The following NAV3 variants were observed in gnomAD, a reference collection of about 807,000 sequenced individuals.
The protein encoded by NAV3 is pore membrane and/or filament interacting like protein 1.
A neutral mutation model predicts 244.7 loss-of-function variants in NAV3; 87 were observed. The ratio of observed to expected loss-of-function variants is 0.36; its 90% CI spans 0.30 to 0.42. The LOEUF (loss-of-function observed/expected upper bound fraction) is 0.42. NAV3 is among the 20% of genes least tolerant of loss of function. The probability of loss-of-function intolerance (pLI) is 1.00; values close to 1 mark genes in which losing one functional copy is unlikely to be tolerated. For missense variants in NAV3, 2,663 were observed against 2,893.3 expected (o/e 0.92, Z 1.83); for synonymous variants, 1,126 against 1,042.2 (o/e 1.08, Z -1.55).
At chr12:77,806,875 G>A (rs1055860162) in intron 2 of NAV3, among the ~76,000 whole-genome samples, 1 of 152,144 alleles carries the variant, frequency 6.6e-6, no homozygotes. Flanking sequence ...ATATATTTAG[G>A]ATAGTTAGCT....
At chr12:78,142,991 C>T (rs560752967) in intron 20 of NAV3, among the ~76,000 whole-genome samples, 13 of 151,974 alleles carry the variant, frequency 8.6e-5, no homozygotes, top group East Asian at 7.7e-4. Context: ...TTCCCCAGTC[C>T]GCCATGATCA....
At chr12:77,984,267 G>T (rs1223108084) in intron 5 of NAV3, among the ~76,000 whole-genome samples, 3 of 152,210 alleles carry the variant, frequency 2.0e-5, no homozygotes, top group African/African-American at 7.2e-5. Flanking sequence ...GAGAGACCAA[G>T]AGCCACAGTT....
chr12:78,179,851 G>A (rs1454490446), intron 29 of NAV3, among the ~76,000 whole-genome samples, 169 bp downstream of exon 29: 1 of 152,088 alleles, frequency 6.6e-6, no homozygotes, highest in Non-Finnish European at 1.5e-5. Context: ...TGAGAATTTT[G>A]TCAAATCCAA....
In NAV3 at chr12:78,159,305, A is replaced by G. The variant is rs1444132953; in HGVS notation, c.4869+19A>G. The G allele has an allele frequency of 1.2e-6, 2 of 1,603,246 alleles. No individual in the cohort carries two copies. Among genetic ancestry groups the G allele is most frequent in the Admixed American group, 1.7e-5 (1 of 59,384 alleles). ...ACAAAAGGTATGTTCAGAAATTGCC[A>G]CTGGAGACTGAAAGAAGACAGCAAA... On this transcript the variant is annotated intron_variant, in intron 23 of 39. Coordinates refer to ENST00000397909, the MANE Select transcript of NAV3 (RefSeq NM_001024383.2).
intron 9 of NAV3, among the ~76,000 whole-genome samples, chr12:78,026,965 C>T (rs1593314728): frequency 6.6e-6 from 1 of 152,170 alleles, no homozygotes; most frequent in East Asian, 1.9e-4. Flanking sequence ...GAACTTATGA[C>T]CAATTATACT....
chr12:77,880,600 G>T (rs904740114), intron 1 of NAV3, among the ~76,000 whole-genome samples: 1 of 152,096 alleles, frequency 6.6e-6, no homozygotes, highest in African/African-American at 2.4e-5. Context: ...TTGCAGTAAG[G>T]TACTGCACAG....
chr12:78,072,208 A>C (rs1952806708), intron 12 of NAV3, among the ~76,000 whole-genome samples: 1 of 149,762 alleles, frequency 6.7e-6, no homozygotes, highest in Admixed American at 6.7e-5. Flanking sequence ...AAGGAAATAG[A>C]GACACAAAAA....
intron 12 of NAV3, among the ~76,000 whole-genome samples, chr12:78,095,166 G>T (rs1281735887): frequency 1.3e-5 from 2 of 150,120 alleles, no homozygotes; most frequent in African/African-American, 4.9e-5. Context: ...TAGCATATTT[G>T]TTATGTTTCA....
intron 8 of NAV3, among the ~76,000 whole-genome samples, chr12:78,009,136 G>A (rs1213006623): frequency 1.3e-5 from 2 of 152,172 alleles, no homozygotes; most frequent in African/African-American, 4.8e-5. Context: ...AACAAATTTA[G>A]TGGTTTCCAT....
At chr12:77,904,472 C>T (rs1172331433) in intron 1 of NAV3, among the ~76,000 whole-genome samples, 1 of 152,044 alleles carries the variant, frequency 6.6e-6, no homozygotes, top group Admixed American at 6.6e-5. Context: ...GGAAGGGGAA[C>T]ATCACACACT....
chr12:77,761,121 C>T (rs370250837), intron 2 of NAV3, among the ~76,000 whole-genome samples: 2 of 152,162 alleles, frequency 1.3e-5, no homozygotes, highest in South Asian at 2.1e-4. Flanking sequence ...GTTAGTGGTG[C>T]TATCTCGGCT....
intron 24 of NAV3, among the ~76,000 whole-genome samples, chr12:78,169,487 T>C: frequency 6.6e-6 from 1 of 151,742 alleles, no homozygotes; most frequent in East Asian, 1.9e-4. Context: ...ATGCTCATTA[T>C]TAATATCGTG....
intron 2 of NAV3, among the ~76,000 whole-genome samples, chr12:77,610,986 C>T (rs971813071): frequency 2.7e-5 from 4 of 148,490 alleles, no homozygotes; most frequent in Admixed American, 1.3e-4. Context: ...ATATTGAAAA[C>T]CTCCATTAGA....
At chr12:78,000,316 TAA>T (rs1335875651) in intron 7 of NAV3, among the ~76,000 whole-genome samples, 1 of 152,002 alleles carries the variant, frequency 6.6e-6, no homozygotes, top group Non-Finnish European at 1.5e-5. Flanking sequence ...TACGATATAA[TAA>T]AGACATCTGG....
intron 2 of NAV3, 113 bp from the exon 3 acceptor site, chr12:77,940,968 A>C (rs915448231): frequency 2.9e-6 from 2 of 691,000 alleles, no homozygotes; most frequent in Non-Finnish European, 5.0e-6. Context: ...TATATGTAGC[A>C]GGAGCATTTT....
chr12:77,993,549 T>C (rs1871807890), intron 5 of NAV3, among the ~76,000 whole-genome samples: 1 of 152,176 alleles, frequency 6.6e-6, no homozygotes, highest in African/African-American at 2.4e-5. Flanking sequence ...ACATGCCAAA[T>C]GTGCTCTGTG....
intron 2 of NAV3, among the ~76,000 whole-genome samples, chr12:77,702,144 A>C (rs913744760): frequency 6.6e-6 from 1 of 151,966 alleles, no homozygotes; most frequent in African/African-American, 2.4e-5. Context: ...TTCTGTCATT[A>C]AGTGCATACA....
At chr12:77,771,157 G>GA (rs1233662233) in intron 2 of NAV3, among the ~76,000 whole-genome samples, 7 of 152,106 alleles carry the variant, frequency 4.6e-5, no homozygotes, top group Non-Finnish European at 8.8e-5. Context: ...AAAAACACAT[G>GA]AAAAAATGCT....
At position 78,082,905 on chromosome 12, in the gene NAV3, T is replaced by G. The variant is rs532465400; in HGVS notation, c.2636+23790T>G. Reference sequence around the variant, plus strand: ...GACTCCCTGTAGTCCTTGTACACATTCTTTTCCTCCTGGGCCTGGGGGTGG... The same window carrying G: ...GACTCCCTGTAGTCCTTGTACACATGCTTTTCCTCCTGGGCCTGGGGGTGG... On this transcript the variant is annotated intron_variant, in intron 12 of 39. Transcript: ENST00000397909. Among the ~76,000 whole-genome samples, 93 of 152,172 alleles carry G rather than the reference T, an allele frequency of 6.1e-4. 1 individual carries two copies. The highest frequency in any genetic ancestry group is 1.2e-3 in the Non-Finnish European group (84 of 68,024).
Sources: allele counts gnomAD v4.1 joint callset (sites outside exome capture counted in the v4.1 genomes callset), GRCh38; gene constraint gnomAD v4.1.1; transcripts MANE v1.5; gene names NCBI Gene and HGNC (gene_info 2026-07-23, HGNC 2026-07-21).